ANKRD30B: variants seen among roughly 807,000 people sequenced by gnomAD.
The protein encoded by ANKRD30B is ankyrin repeat domain 30B.
In ANKRD30B, 144 loss-of-function variants were observed where a neutral mutation model predicts 202.2. That is an observed-to-expected ratio of 0.71 (90% CI 0.62 to 0.82). The LOEUF (loss-of-function observed/expected upper bound fraction) is 0.82. Ranked by LOEUF, ANKRD30B falls within the 40% of genes least tolerant of loss-of-function variation. The pLI, the probability that ANKRD30B is intolerant of heterozygous loss-of-function variation, is 0.00. For missense variants in ANKRD30B, 1,487 were observed against 1,669.1 expected, an observed-to-expected ratio of 0.89 and a Z score of 1.90; for synonymous variants, 508 against 561.3, an observed-to-expected ratio of 0.91 and a Z score of 1.34.
At chr18:14,901,640 A>G in the ANKRD30B span, among the ~76,000 whole-genome samples, 2 of 151,986 alleles carry the variant, frequency 1.3e-5, no homozygotes, top group Non-Finnish European at 2.9e-5. Flanking sequence ...AAATGGGAAC[A>G]TTTACCTTTC....
the ANKRD30B span, among the ~76,000 whole-genome samples, chr18:14,901,182 A>G: frequency 1.8e-4 from 27 of 152,300 alleles, no homozygotes; most frequent in East Asian, 1.7e-3. Context: ...GTCTTTAACC[A>G]TGGCTATTCT....
the ANKRD30B span, among the ~76,000 whole-genome samples, chr18:14,895,228 A>G: frequency 6.6e-6 from 1 of 150,694 alleles, no homozygotes; most frequent in South Asian, 2.1e-4. Context: ...AAACCTCAGT[A>G]TCACACAATA....
At chr18:14,828,476 T>C (rs1005448073) in intron 33 of ANKRD30B, among the ~76,000 whole-genome samples, 168 bp downstream of exon 33, 4 of 152,206 alleles carry the variant, frequency 2.6e-5, no homozygotes, top group African/African-American at 9.6e-5. Flanking sequence ...TGTGCTACTG[T>C]CACCTACTTT....
the ANKRD30B span, among the ~76,000 whole-genome samples, chr18:14,926,752 C>A: frequency 2.6e-5 from 4 of 152,024 alleles, no homozygotes; most frequent in African/African-American, 9.7e-5. Context: ...TACTAGGACC[C>A]CATCTCTACA....
chr18:14,790,269 T>C (rs1968384586), intron 15 of ANKRD30B, among the ~76,000 whole-genome samples: 1 of 152,230 alleles, frequency 6.6e-6, no homozygotes, highest in South Asian at 2.1e-4. Flanking sequence ...AAGCTGCTTA[T>C]CAGCTTAAGG....
the ANKRD30B span, among the ~76,000 whole-genome samples, chr18:14,893,994 T>C: frequency 6.6e-6 from 1 of 151,540 alleles, no homozygotes; most frequent in Non-Finnish European, 1.5e-5. Flanking sequence ...GCTCTTGCAA[T>C]AGAACATGAA....
chr18:14,792,101 A>G (rs1006251155), intron 16 of ANKRD30B, among the ~76,000 whole-genome samples: 3 of 152,234 alleles, frequency 2.0e-5, no homozygotes, highest in Non-Finnish European at 1.5e-5. Flanking sequence ...CACTCCGTAT[A>G]GACCATAAGT....
chr18:14,931,913 A>ACCTCCCTCCTCCCT, the ANKRD30B span, among the ~76,000 whole-genome samples: 3 of 51,412 alleles, frequency 5.8e-5, no homozygotes, highest in Non-Finnish European at 1.3e-4. Flanking sequence ...CCCCCACCCC[A>ACCTCCCTCCTCCCT]CCTCCCTCCT....
chr18:14,782,100 CTA>C (rs1967785584), intron 11 of ANKRD30B, among the ~76,000 whole-genome samples: 1 of 152,212 alleles, frequency 6.6e-6, no homozygotes, highest in African/African-American at 2.4e-5. Context: ...GTGTCTATCT[CTA>C]TAACTATCTC....
intron 32 of ANKRD30B, among the ~76,000 whole-genome samples, chr18:14,825,694 G>T (rs888685438): frequency 6.6e-6 from 1 of 151,878 alleles, no homozygotes; most frequent in African/African-American, 2.4e-5. Context: ...CACTTTGTCC[G>T]ATCCCCTACA....
intron 41 of ANKRD30B, among the ~76,000 whole-genome samples, chr18:14,850,843 G>A (rs1459105591): frequency 5.3e-5 from 8 of 151,916 alleles, no homozygotes; most frequent in South Asian, 2.1e-4. Flanking sequence ...TTACCCAGTA[G>A]AATTAACTGA....
chr18:14,786,322 A>T (rs892877210), intron 14 of ANKRD30B, among the ~76,000 whole-genome samples: 4 of 152,126 alleles, frequency 2.6e-5, no homozygotes, highest in Non-Finnish European at 5.9e-5. Flanking sequence ...GGAACGTTAG[A>T]TTACTTAAGG....
At chr18:14,787,124 T>A (rs758222822) in intron 15 of ANKRD30B, 24 bp downstream of exon 15, 23 of 1,581,598 alleles carry the variant, frequency 1.5e-5, no homozygotes, top group East Asian at 1.1e-4. Flanking sequence ...TTGATTTTTT[T>A]AAATATTAGT....
intron 30 of ANKRD30B, chr18:14,817,195 T>C (rs1598666725): frequency 6.6e-6 from 1 of 152,216 alleles, no homozygotes; most frequent in Admixed American, 6.5e-5. Flanking sequence ...AAGGTTTTGT[T>C]TAAGTGTATG....
the ANKRD30B span, among the ~76,000 whole-genome samples, chr18:14,911,594 C>T: frequency 7.7e-6 from 1 of 129,398 alleles, no homozygotes; most frequent in Non-Finnish European, 1.7e-5. Flanking sequence ...CACATGATTG[C>T]TTTGGATATT....
chr18:14,797,363 C>T (rs1186270927), intron 18 of ANKRD30B, among the ~76,000 whole-genome samples: 5 of 152,178 alleles, frequency 3.3e-5, no homozygotes, highest in African/African-American at 7.2e-5. Context: ...AAGCACATCA[C>T]GTGCTGTTGG....
the ANKRD30B span, among the ~76,000 whole-genome samples, chr18:14,922,551 AG>A: frequency 6.6e-6 from 1 of 150,552 alleles, no homozygotes; most frequent in African/African-American, 2.4e-5. Context: ...GCTACTCAGG[AG>A]GCTGAGGCAG....
At chr18:14,867,098 T>C in the ANKRD30B span, among the ~76,000 whole-genome samples, 10 of 124,568 alleles carry the variant, frequency 8.0e-5, no homozygotes, top group Non-Finnish European at 1.7e-4. Flanking sequence ...CAGGAGCAGA[T>C]TGGGGGCGCT....
intron 28 of ANKRD30B, among the ~76,000 whole-genome samples, chr18:14,810,952 A>G (rs893768922): frequency 3.0e-4 from 45 of 151,106 alleles, no homozygotes; most frequent in Admixed American, 2.9e-3. Context: ...CATCGCTACT[A>G]AAAATAACAA....
Sources: gnomAD v4.1 joint callset for allele counts (sites outside exome capture counted in the v4.1 genomes callset) on GRCh38, gnomAD v4.1.1 for gene constraint, MANE v1.5 for transcripts, NCBI Gene and HGNC (gene_info 2026-07-23, HGNC 2026-07-21) for gene names.